Variants in EFR3A observed in about 807,000 individuals in gnomAD.
EFR3A encodes the protein protein EFR3 homolog A.
In EFR3A, 76 loss-of-function variants were observed where a neutral mutation model predicts 104.4. That is an observed-to-expected ratio of 0.73 (90% CI 0.60 to 0.88). The LOEUF is 0.88. EFR3A is among the 40% of genes least tolerant of loss of function. The pLI is 0.00. For missense variants in EFR3A, 985 were observed against 1,012.5 expected, an observed-to-expected ratio of 0.97 and a Z score of 0.37; for synonymous variants, 330 against 330.0, an observed-to-expected ratio of 1.00 and a Z score of 0.00.
rs1488946510 is a variant in EFR3A, at chr8:131,919,972, A to C, written c.10+15650A>C. On this transcript the variant is annotated intron_variant, in intron 1 of 22. Transcript: ENST00000254624. ...TTTAATATGTGCAGGAAAGAGTAAA[A>C]AGTAAAGACTTTTCTGCATGCTGAA... Among the ~76,000 whole-genome samples the C allele has an allele frequency of 4.6e-5, 7 of 152,104 alleles. No homozygotes were observed. The East Asian group carries it at 1.3e-3, about 29-fold the overall frequency.
intron 1 of EFR3A, 54 bp from the exon 2 acceptor site, chr8:131,940,445 C>A (rs1669198414): frequency 6.7e-7 from 1 of 1,486,334 alleles, no homozygotes; most frequent in Non-Finnish European, 9.0e-7. Flanking sequence ...AATTTCCAGG[C>A]CTGTTTACAA....
chr8:131,989,539 A>G (rs747760785), intron 18 of EFR3A, among the ~76,000 whole-genome samples: 21 of 152,190 alleles, frequency 1.4e-4, no homozygotes, highest in Non-Finnish European at 2.8e-4. Flanking sequence ...TGATTAGGTG[A>G]CACCACTAAC....
chr8:131,967,873 T>G (rs1384686044), intron 8 of EFR3A, among the ~76,000 whole-genome samples: 2 of 148,846 alleles, frequency 1.3e-5, no homozygotes, highest in Non-Finnish European at 3.0e-5. Flanking sequence ...GAAAATACTG[T>G]GAATGTCATA....
chr8:131,940,717 T>G, intron 2 of EFR3A, 142 bp downstream of exon 2: 1 of 1,330,614 alleles, frequency 7.5e-7, no homozygotes, highest in Non-Finnish European at 9.8e-7. Context: ...ATACTTTTCT[T>G]TTTTTTACTC....
chr8:131,934,053 A>G (rs1055299332), intron 1 of EFR3A, among the ~76,000 whole-genome samples: 16 of 152,182 alleles, frequency 1.1e-4, no homozygotes, highest in African/African-American at 3.9e-4. Flanking sequence ...TATATGTGGA[A>G]AGAATCATGT....
intron 22 of EFR3A, among the ~76,000 whole-genome samples, chr8:132,008,446 G>A (rs1822153790): frequency 6.6e-6 from 1 of 152,102 alleles, no homozygotes; most frequent in South Asian, 2.1e-4. Flanking sequence ...CCATTAGCAC[G>A]AGAACAGACA....
intron 1 of EFR3A, among the ~76,000 whole-genome samples, chr8:131,922,761 A>G (rs1019078357): frequency 1.3e-5 from 2 of 152,156 alleles, no homozygotes; most frequent in Non-Finnish European, 2.9e-5. Context: ...TTTTCCAGCT[A>G]CATAATCATG....
intron 16 of EFR3A, among the ~76,000 whole-genome samples, chr8:131,985,666 T>C (rs1214915960): frequency 6.6e-6 from 1 of 152,202 alleles, no homozygotes; most frequent in Non-Finnish European, 1.5e-5. Context: ...TGTAGTGTAC[T>C]CTAAGAAACA....
At chr8:131,980,001 T>C (rs1313682801) in intron 14 of EFR3A, among the ~76,000 whole-genome samples, 2 of 152,172 alleles carry the variant, frequency 1.3e-5, no homozygotes, top group Non-Finnish European at 2.9e-5. Context: ...AAACTTTCTG[T>C]GCGGTTATTA....
At chr8:131,991,865 C>T (rs772968725) in intron 18 of EFR3A, among the ~76,000 whole-genome samples, 2 of 152,116 alleles carry the variant, frequency 1.3e-5, no homozygotes, top group Non-Finnish European at 2.9e-5. Flanking sequence ...GGAAAGGTGG[C>T]ACAAATTGCT....
At chr8:131,923,835 C>T (rs562140959) in intron 1 of EFR3A, among the ~76,000 whole-genome samples, 1 of 152,170 alleles carries the variant, frequency 6.6e-6, no homozygotes, top group African/African-American at 2.4e-5. Flanking sequence ...CAGTAGGAAG[C>T]AGTGTCCTTT....
At chr8:131,968,521 G>T in intron 9 of EFR3A, 91 bp downstream of exon 9, 1 of 1,262,570 alleles carries the variant, frequency 7.9e-7, no homozygotes, top group South Asian at 2.0e-5. Context: ...AACTCTTTAA[G>T]AATATTTCTA....
chr8:131,947,224 G>A (rs1818483843), intron 4 of EFR3A, among the ~76,000 whole-genome samples: 1 of 151,968 alleles, frequency 6.6e-6, no homozygotes, highest in African/African-American at 2.4e-5. Flanking sequence ...TAGAGCGTCT[G>A]AAGTGGTATC....
chr8:131,915,378 A>G lies in EFR3A; in HGVS notation c.10+11056A>G, dbSNP rs367925571. Among the ~76,000 whole-genome samples the G allele has an allele frequency of 6.2e-4, 95 of 152,320 alleles. 1 individual carries two copies. The South Asian group carries it at 0.019, about 31-fold the overall frequency. On this transcript the variant is annotated intron_variant, in intron 1 of 22. Transcript: ENST00000254624. ...AGTCATTTCAGTCATAGGTACTGTC[A>G]GTATGTTCCTAGAATCACAAGTGTT... is the stretch of plus-strand genomic sequence containing the variant.
At chr8:132,003,793 T>C (rs964851709) in intron 22 of EFR3A, among the ~76,000 whole-genome samples, 6 of 152,172 alleles carry the variant, frequency 3.9e-5, no homozygotes, top group African/African-American at 1.4e-4. Context: ...TCTTTGATTA[T>C]CCTATGTCTA....
intron 10 of EFR3A, among the ~76,000 whole-genome samples, chr8:131,975,076 GAAGT>G (rs1429311743): frequency 4.6e-5 from 7 of 152,158 alleles, no homozygotes; most frequent in African/African-American, 9.7e-5. Flanking sequence ...TTGTGACCAG[GAAGT>G]AAGTATCAAA....
At chr8:131,916,465 G>A (rs1816750802) in intron 1 of EFR3A, among the ~76,000 whole-genome samples, 1 of 152,146 alleles carries the variant, frequency 6.6e-6, no homozygotes, top group South Asian at 2.1e-4. Context: ...GGAATTTGGG[G>A]AAATTGAGAT....
chr8:131,974,074 T>C (rs1359371769), intron 10 of EFR3A, among the ~76,000 whole-genome samples: 2 of 152,218 alleles, frequency 1.3e-5, no homozygotes, highest in Non-Finnish European at 2.9e-5. Flanking sequence ...CAGTGGTTCT[T>C]AACTTTGTTG....
intron 18 of EFR3A, among the ~76,000 whole-genome samples, chr8:131,988,219 G>C (rs1385816276): frequency 6.6e-6 from 1 of 151,660 alleles, no homozygotes; most frequent in African/African-American, 2.4e-5. Context: ...AAATAATTCT[G>C]TTTGAAGGCA....
Sources: gnomAD v4.1 joint callset for allele counts (sites outside exome capture counted in the v4.1 genomes callset) on GRCh38, gnomAD v4.1.1 for gene constraint, MANE v1.5 for transcripts, NCBI Gene and HGNC (gene_info 2026-07-23, HGNC 2026-07-21) for gene names.